AGO2: variants seen among roughly 807,000 people sequenced by gnomAD.
AGO2 encodes the protein argonaute RISC catalytic component 2, also known as protein argonaute-2.
In AGO2, 5 loss-of-function variants were observed where a neutral mutation model predicts 102.3. The ratio of observed to expected loss-of-function variants is 0.05; its 90% CI spans 0.03 to 0.10. AGO2 has a LOEUF of 0.10. AGO2 is among the 10% of genes least tolerant of loss of function. The probability of loss-of-function intolerance (pLI) is 1.00; values close to 1 mark genes in which losing one functional copy is unlikely to be tolerated. For missense variants in AGO2, 541 were observed against 1,183.7 expected, an observed-to-expected ratio of 0.46 and a Z score of 7.97; for synonymous variants, 449 against 473.1, an observed-to-expected ratio of 0.95 and a Z score of 0.66.
intron 3 of AGO2, chr8:140,572,577 G>T: frequency 4.3e-6 from 2 of 461,406 alleles, no homozygotes; most frequent in Admixed American, 4.2e-5. Context: ...GGTGGTTTCA[G>T]CAAGTTCTCG....
chr8:140,587,043 G>A (rs766233689), intron 1 of AGO2, among the ~76,000 whole-genome samples: 25 of 152,186 alleles, frequency 1.6e-4, no homozygotes, highest in Non-Finnish European at 2.2e-4. Context: ...AAGCAAAGCT[G>A]CTGGGCCGGC....
upstream of AGO2, among the ~76,000 whole-genome samples, chr8:140,639,487 A>AAAAG: frequency 6.6e-6 from 1 of 151,436 alleles, no homozygotes; most frequent in East Asian, 1.9e-4. Context: ...TCTGAAAAAA[A>AAAAG]AAAAAAACTA....
At chr8:140,578,491 G>A (rs544986736) in intron 2 of AGO2, among the ~76,000 whole-genome samples, 5 of 152,310 alleles carry the variant, frequency 3.3e-5, no homozygotes, top group Admixed American at 3.3e-4. Flanking sequence ...TGCTCGCGGA[G>A]TCCCTGAATC....
intron 1 of AGO2, among the ~76,000 whole-genome samples, chr8:140,629,554 A>C (rs1434314204): frequency 6.6e-6 from 1 of 151,896 alleles, no homozygotes; most frequent in African/African-American, 2.4e-5. Flanking sequence ...ATGAAAAAGG[A>C]GGGGGCCGGG....
chr8:140,539,291 C>G lies in AGO2; in HGVS notation c.2169+29G>C. Reference sequence around the variant, plus strand: ...TGTGGGGCTGAGGGGAGAACCGTGCCCCCTGCCTGGAGTCATGCAGAAACT... The same window carrying G: ...TGTGGGGCTGAGGGGAGAACCGTGCGCCCTGCCTGGAGTCATGCAGAAACT... On this transcript the variant is annotated intron_variant, in intron 16 of 18. Coordinates refer to ENST00000220592, the MANE Select transcript of AGO2 (RefSeq NM_012154.5). This position sits in a 1 kb window ranked among gnomAD's most constrained non-coding sequence, Gnocchi z 4.7. 6.3e-7 allele frequency: 1 copy of G among 1,581,352 alleles called. No individual in the cohort carries two copies. Among genetic ancestry groups the G allele is most frequent in the South Asian group, 1.2e-5 (1 of 86,496 alleles).
At chr8:140,607,531 T>G (rs1293007791) in intron 1 of AGO2, among the ~76,000 whole-genome samples, 2 of 129,844 alleles carry the variant, frequency 1.5e-5, no homozygotes, top group Admixed American at 7.8e-5. Flanking sequence ...CACACACACG[T>G]ATGGAAAAAA....
intron 3 of AGO2, among the ~76,000 whole-genome samples, chr8:140,564,296 C>T (rs1444041236): frequency 9.3e-5 from 6 of 64,802 alleles, no homozygotes; most frequent in Admixed American, 5.6e-4. Context: ...GAGGGGGTGG[C>T]GGTGGGGGGA....
At chr8:140,581,262 T>C (rs2073552814) in intron 2 of AGO2, among the ~76,000 whole-genome samples, 1 of 152,158 alleles carries the variant, frequency 6.6e-6, no homozygotes, top group Non-Finnish European at 1.5e-5. Flanking sequence ...CGCCTGTAAT[T>C]CTAGCACTTT....
rs994366445 is a variant in AGO2 at position 140,539,086 on chromosome 8, G to A, written c.2169+234C>T. On this transcript the variant is annotated intron_variant, in intron 16 of 18. Transcript: ENST00000220592. The surrounding 1 kb of genome is among the most constrained non-coding windows in gnomAD (Gnocchi z 4.7). ...CCACTGCACTCTAGCCTGGGTGACA[G>A]AGCCAGACCCCATCTTAAAACCCTC... Among the ~76,000 whole-genome samples, 1 of 152,168 alleles carries A rather than the reference G, an allele frequency of 6.6e-6. No individual in the cohort carries two copies. The highest frequency in any genetic ancestry group is 1.5e-5 in the Non-Finnish European group (1 of 68,024).
chr8:140,597,478 C>A (rs1180147604), intron 1 of AGO2, among the ~76,000 whole-genome samples: 6 of 142,268 alleles, frequency 4.2e-5, no homozygotes, highest in East Asian at 2.1e-4. Context: ...CCCCCCACCC[C>A]CCCCCCCCCG....
Position 140,528,220 on chromosome 8 carries a change from G to C in AGO2, c.*3824C>G, listed in dbSNP as rs1414162272. The C allele has an allele frequency of 1.3e-5, 2 of 152,078 alleles. No individual in the cohort carries two copies. The highest frequency in any genetic ancestry group is 3.8e-4 in the East Asian group (2 of 5,198). The allele number at this position is 152,078 out of a possible 1,614,324, so 9.4% of individuals were successfully genotyped here. ...CCAGCAAACTTGAAGGTAAACATTA[G>C]GCAATTTATAAAAGTTGGGGAAATA... On this transcript the variant is annotated 3_prime_UTR_variant, in exon 19 of 19. Coordinates refer to ENST00000220592, the MANE Select transcript of AGO2 (RefSeq NM_012154.5). This position sits in a 1 kb window ranked among gnomAD's most constrained non-coding sequence, Gnocchi z 4.5.
intron 1 of AGO2, among the ~76,000 whole-genome samples, chr8:140,614,002 C>A (rs2074110834): frequency 8.9e-6 from 1 of 112,536 alleles, no homozygotes; most frequent in African/African-American, 3.6e-5. Context: ...GGCAACAGAG[C>A]AAGACCCTGT....
chr8:140,593,816 C>G (rs1385810513), intron 1 of AGO2, among the ~76,000 whole-genome samples: 2 of 152,130 alleles, frequency 1.3e-5, no homozygotes, highest in East Asian at 1.9e-4. Flanking sequence ...ACAGGCAGAG[C>G]TGGGATTCAC....
Position 140,535,062 on chromosome 8 carries a change from T to C in AGO2, c.2271+406A>G, listed in dbSNP as rs111553689. 1.0e-3 allele frequency among the ~76,000 whole-genome samples: 159 copies of C among 152,326 alleles called. 2 individuals are homozygous for C. Among genetic ancestry groups the C allele is most frequent in the African/African-American group, 3.7e-3 (154 of 41,572 alleles). On this transcript the variant is annotated intron_variant, in intron 17 of 18. Coordinates refer to ENST00000220592, the MANE Select transcript of AGO2 (RefSeq NM_012154.5). ...GGACGGCAAGGCTGACTGCGCCAAGTGCTCGTGAATCGACGCCAAGTCTGC... is the reference window on the plus strand; with the variant it reads ...GGACGGCAAGGCTGACTGCGCCAAGCGCTCGTGAATCGACGCCAAGTCTGC...
chr8:140,590,027 A>T (rs752017322), intron 1 of AGO2, among the ~76,000 whole-genome samples: 1 of 152,224 alleles, frequency 6.6e-6, no homozygotes, highest in Non-Finnish European at 1.5e-5. Context: ...CTGGGAATGC[A>T]GTCGGAACAT....
chr8:140,537,614 C>T (rs1034013752), intron 16 of AGO2, among the ~76,000 whole-genome samples: 1 of 151,546 alleles, frequency 6.6e-6, no homozygotes, highest in Non-Finnish European at 1.5e-5. Context: ...AATTTTTTTT[C>T]CTTAGTTTTT....
chr8:140,601,144 C>G (rs958113742), intron 1 of AGO2, among the ~76,000 whole-genome samples: 1 of 152,214 alleles, frequency 6.6e-6, no homozygotes, highest in Non-Finnish European at 1.5e-5. Flanking sequence ...TCATCTGCAC[C>G]TGGAGACAGC....
At chr8:140,614,738 C>T (rs1407023204) in intron 1 of AGO2, among the ~76,000 whole-genome samples, 1 of 152,252 alleles carries the variant, frequency 6.6e-6, no homozygotes, top group East Asian at 1.9e-4. Context: ...ACCTGAACCC[C>T]TCTGTGCCCC....
At chr8:140,542,305 A>T (rs901835373) in intron 14 of AGO2, among the ~76,000 whole-genome samples, 4 of 152,256 alleles carry the variant, frequency 2.6e-5, no homozygotes, top group African/African-American at 9.6e-5. Context: ...ACTGAAAAAT[A>T]GGAACTGCTT....
Sources: allele counts gnomAD v4.1 joint callset (sites outside exome capture counted in the v4.1 genomes callset), GRCh38; gene constraint gnomAD v4.1.1; non-coding constraint Gnocchi (gnomAD v3.1); transcripts MANE v1.5; gene names NCBI Gene and HGNC (gene_info 2026-07-23, HGNC 2026-07-21).